ZNF862: variants seen among roughly 807,000 people sequenced by gnomAD.
ZNF862 encodes the protein zinc finger protein 862.
In ZNF862, 64 loss-of-function variants were observed where a neutral mutation model predicts 91.1. The observed-to-expected ratio is 0.70, with a 90% CI of 0.57 to 0.87. The LOEUF (loss-of-function observed/expected upper bound fraction) is 0.87. ZNF862 is among the 40% of genes least tolerant of loss of function. The pLI, the probability that ZNF862 is intolerant of heterozygous loss-of-function variation, is 0.00. For missense variants in ZNF862, 1,459 were observed against 1,528.0 expected, an observed-to-expected ratio of 0.95 and a Z score of 0.75; for synonymous variants, 631 against 618.1, an observed-to-expected ratio of 1.02 and a Z score of -0.31.
intron 6 of ZNF862, chr7:149,860,101 C>G: frequency 2.2e-6 from 1 of 454,188 alleles, no homozygotes; most frequent in South Asian, 3.9e-5. Context: ...TTATTGGTAT[C>G]TGGTGTCACA....
At chr7:149,842,069 C>G (rs898074283) in intron 1 of ZNF862, among the ~76,000 whole-genome samples, 1 of 152,148 alleles carries the variant, frequency 6.6e-6, no homozygotes. Context: ...ATAAAGCCTT[C>G]CTTGCTCAGG....
At chr7:149,857,862 C>T (rs1028179690) in intron 5 of ZNF862, among the ~76,000 whole-genome samples, 1 of 152,146 alleles carries the variant, frequency 6.6e-6, no homozygotes, top group Non-Finnish European at 1.5e-5. Context: ...TTCTTGGAGT[C>T]GAGCAGTGCA....
Position 149,838,441 on chromosome 7 carries a change from C to A in ZNF862, c.-171C>A, listed in dbSNP as rs1801592306. ...GCTCAGCGCGCTTATCCTGGGTCCACCGGCGCTACCGCCCCCCGACGTGAG... is the reference window on the plus strand; with the variant it reads ...GCTCAGCGCGCTTATCCTGGGTCCAACGGCGCTACCGCCCCCCGACGTGAG... On this transcript the variant is annotated 5_prime_UTR_variant, in exon 1 of 8. Coordinates refer to ENST00000223210, the MANE Select transcript of ZNF862 (RefSeq NM_001099220.3). 7.2e-6 allele frequency: 3 copies of A among 414,626 alleles called. No homozygotes were observed. The highest frequency in any genetic ancestry group is 1.2e-5 in the Non-Finnish European group (3 of 241,648). 25.7% of individuals were successfully genotyped at this position (414,626 alleles called of 1,614,324 possible). A position where few individuals can be genotyped will look rare whatever the true frequency, so the allele number is the denominator to read the frequency against.
In ZNF862 at chr7:149,866,590, C is replaced by T. The variant is rs1018911718; in HGVS notation, c.*2306C>T. ...GGGAAGCAACTCGCCCTCTCCACGT[C>T]AGCATCAGCGTGCTCCGAGGACACC... is the stretch of plus-strand genomic sequence containing the variant. On this transcript the variant is annotated 3_prime_UTR_variant, in exon 8 of 8. Transcript: ENST00000223210. 1.3e-5 allele frequency: 2 copies of T among 152,178 alleles called. No individual in the cohort carries two copies. Among genetic ancestry groups the T allele is most frequent in the Non-Finnish European group, 1.5e-5 (1 of 68,054 alleles). The allele number at this position is 152,178 out of a possible 1,614,324, so 9.4% of individuals were successfully genotyped here. A position where few individuals can be genotyped will look rare whatever the true frequency, so the allele number is the denominator to read the frequency against.
At chr7:149,860,240 G>A (rs1294028961) in intron 6 of ZNF862, 143 bp from the exon 7 acceptor site, 18 of 739,674 alleles carry the variant, frequency 2.4e-5, no homozygotes, top group African/African-American at 1.1e-4. Context: ...TTAAGTGGAC[G>A]CCACTTTCTC....
chr7:149,865,922 CCCATTCCCA>C lies in ZNF862; in HGVS notation c.*1639_*1647del, dbSNP rs1342176684. On this transcript the variant is annotated 3_prime_UTR_variant, in exon 8 of 8. Coordinates refer to ENST00000223210, the MANE Select transcript of ZNF862 (RefSeq NM_001099220.3). ...TAGAAGCTGCTGTCTGAGTACCCTT[CCCATTCCCA>C]GGGTAGATGCTGGCATCTGAGCACC... is the stretch of plus-strand genomic sequence containing the variant. 2 of 139,264 alleles carry C rather than the reference CCCATTCCCA, an allele frequency of 1.4e-5. No individual in the cohort carries two copies. The highest frequency in any genetic ancestry group is 5.3e-5 in the African/African-American group (2 of 37,864). 8.6% of individuals were successfully genotyped at this position (139,264 alleles called of 1,614,324 possible). A position where few individuals can be genotyped will look rare whatever the true frequency, so the allele number is the denominator to read the frequency against.
intron 1 of ZNF862, among the ~76,000 whole-genome samples, chr7:149,842,759 G>A (rs1801751299): frequency 6.6e-6 from 1 of 152,152 alleles, no homozygotes; most frequent in Non-Finnish European, 1.5e-5. Flanking sequence ...TCCCGTCCTG[G>A]GATACAGCAG....
chr7:149,847,589 T>A (rs1801911329), intron 3 of ZNF862, 146 bp from the exon 4 acceptor site: 1 of 595,110 alleles, frequency 1.7e-6, no homozygotes. Context: ...AGAAGAAAAT[T>A]CAGGTGTGTG....
chr7:149,862,595 A>G (rs1802559081), intron 7 of ZNF862, 101 bp downstream of exon 7: 1 of 1,320,568 alleles, frequency 7.6e-7, no homozygotes, highest in Admixed American at 2.8e-5. Flanking sequence ...TCATGCACCC[A>G]CCCATTTGCT....
rs182969009 is a variant in ZNF862 at position 149,838,505 on chromosome 7, G to A, written c.-107G>A. 1 of 742,344 alleles carries A rather than the reference G, an allele frequency of 1.3e-6. No homozygotes were observed. Among genetic ancestry groups the A allele is most frequent in the Non-Finnish European group, 1.9e-6 (1 of 540,536 alleles). 46.0% of individuals were successfully genotyped at this position (742,344 alleles called of 1,614,324 possible). A position where few individuals can be genotyped will look rare whatever the true frequency, so the allele number is the denominator to read the frequency against. ...TGGGCCGCGCTCCCTCCCTACCTGG[G>A]TGCCCTCCCCCTCCGGGAGCCTGGG... On this transcript the variant is annotated 5_prime_UTR_variant, in exon 1 of 8. It adds an upstream start codon to the 5' untranslated region. Transcript: ENST00000223210.
Position 149,864,386 on chromosome 7 carries a change from G to A in ZNF862, c.*102G>A. ...CCTAGGATCTTCTGCTGGTGGCGAT[G>A]GTCTCTAAGCACCAGGAAGTGGGCA... On this transcript the variant is annotated 3_prime_UTR_variant, in exon 8 of 8. Coordinates refer to ENST00000223210, the MANE Select transcript of ZNF862 (RefSeq NM_001099220.3). 7.8e-7 allele frequency: 1 copy of A among 1,276,836 alleles called. No homozygotes were observed. The highest frequency in any genetic ancestry group is 1.1e-6 in the Non-Finnish European group (1 of 940,290). The allele number at this position is 1,276,836 out of a possible 1,614,324, so 79.1% of individuals were successfully genotyped here. A position where few individuals can be genotyped will look rare whatever the true frequency, so the allele number is the denominator to read the frequency against.
At chr7:149,851,569 G>T (rs1220829423) in intron 5 of ZNF862, 1 of 152,196 alleles carries the variant, frequency 6.6e-6, no homozygotes, top group African/African-American at 2.4e-5. Context: ...AATGTAATCG[G>T]CACTAGCGAC....
chr7:149,838,407 CAA>C lies in ZNF862; in HGVS notation c.-204_-203del. 2.5e-6 allele frequency: 1 copy of C among 398,124 alleles called. No homozygotes were observed. Among genetic ancestry groups the C allele is most frequent in the East Asian group, 3.6e-5 (1 of 28,002 alleles). 24.7% of individuals were successfully genotyped at this position (398,124 alleles called of 1,614,324 possible). ...GTAAAGCTGTTCGCTCGGTGCGACG[CAA>C]GTCTCAGCTCAGCGCGCTTATCCTG... On this transcript the variant is annotated 5_prime_UTR_variant, in exon 1 of 8. Coordinates refer to ENST00000223210, the MANE Select transcript of ZNF862 (RefSeq NM_001099220.3).
At chr7:149,858,337 C>T (rs927019436) in intron 5 of ZNF862, 1 of 152,052 alleles carries the variant, frequency 6.6e-6, no homozygotes, top group African/African-American at 2.4e-5. Context: ...ATTTTTATTC[C>T]TTTGCCCTCA....
At chr7:149,839,508 A>G (rs1422800367) in intron 1 of ZNF862, among the ~76,000 whole-genome samples, 1 of 152,224 alleles carries the variant, frequency 6.6e-6, no homozygotes, top group Non-Finnish European at 1.5e-5. Context: ...ATGAGGATAA[A>G]TAGGAAATGA....
In ZNF862 at chr7:149,861,874, T is replaced by G; in HGVS notation, c.2714T>G (p.Ile905Ser). The G allele has an allele frequency of 6.2e-7, 1 of 1,613,658 alleles. No homozygotes were observed. The highest frequency in any genetic ancestry group is 8.5e-7 in the Non-Finnish European group (1 of 1,179,872). ...ASFKDGRLHG[I>S]CLDKLEVAEQ... The stretch of plus-strand genomic sequence containing the variant: ...TTCAAGGATGGGCGGCTCCACGGCA[T>G]CTGCTTGGACAAACTGGAGGTAGCG... Residue 905 changes from isoleucine to serine, a missense_variant, in exon 7 of 8, where the codon ATC becomes AGC. Transcript: ENST00000223210. The surrounding 1 kb of genome is among the most constrained non-coding windows in gnomAD (Gnocchi z 6.7).
rs373741766 is a variant in ZNF862 at position 149,861,183 on chromosome 7, G to A, written c.2023G>A (p.Val675Ile). The change falls in exon 7 of 8, where the codon GTT (valine) becomes ATT (isoleucine). Residue 675 changes from valine to isoleucine, a missense_variant. Coordinates refer to ENST00000223210, the MANE Select transcript of ZNF862 (RefSeq NM_001099220.3). This position sits in a 1 kb window ranked among gnomAD's most constrained non-coding sequence, Gnocchi z 6.7. ...ETADGYFETI[V>I]SALDELDIPF... The stretch of plus-strand genomic sequence containing the variant: ...AGCAGATGGGTACTTCGAGACCATC[G>A]TTTCTGCCCTGGATGAGCTGGACAT... 6.2e-6 allele frequency: 10 copies of A among 1,612,694 alleles called. No individual in the cohort carries two copies. The highest frequency in any genetic ancestry group is 2.2e-5 in the East Asian group (1 of 44,860).
chr7:149,863,997 A>T, intron 7 of ZNF862, 112 bp from the exon 8 acceptor site: 1 of 1,108,762 alleles, frequency 9.0e-7, no homozygotes, highest in Non-Finnish European at 1.3e-6. Context: ...CGTGGTCCTG[A>T]CTTCAGTCTG....
At chr7:149,862,675 A>G (rs932388046) in intron 7 of ZNF862, among the ~76,000 whole-genome samples, 181 bp downstream of exon 7, 1 of 152,244 alleles carries the variant, frequency 6.6e-6, no homozygotes, top group East Asian at 1.9e-4. Flanking sequence ...GAGATGACGC[A>G]CATGTGCTCT....
Sources: allele counts gnomAD v4.1 joint callset (sites outside exome capture counted in the v4.1 genomes callset), GRCh38; gene constraint gnomAD v4.1.1; non-coding constraint Gnocchi (gnomAD v3.1); transcripts MANE v1.5; gene names NCBI Gene and HGNC (gene_info 2026-07-23, HGNC 2026-07-21).